Variants in IL4R observed in about 807,000 individuals in gnomAD.
The protein encoded by IL4R is interleukin 4 receptor.
IL4R carries 17 observed loss-of-function variants against 41.5 expected under a neutral mutation model. The observed-to-expected ratio is 0.41, with a 90% CI of 0.28 to 0.61. IL4R has a LOEUF of 0.61. Among genes scored for constraint, IL4R ranks in the 20% least tolerant of loss-of-function variants. IL4R has a pLI of 0.31. For missense variants in IL4R, 974 were observed against 1,043.1 expected (o/e 0.93, Z 0.91); for synonymous variants, 402 against 422.9 (o/e 0.95, Z 0.61).
chr16:27,332,350 GA>G (rs2085134589), intron 2 of IL4R, among the ~76,000 whole-genome samples: 1 of 152,026 alleles, frequency 6.6e-6, no homozygotes, highest in African/African-American at 2.4e-5. Context: ...GAAAGGGGGG[GA>G]AAGCCCTTTA....
intron 6 of IL4R, among the ~76,000 whole-genome samples, chr16:27,351,756 C>T (rs1014995825): frequency 1.3e-5 from 2 of 152,186 alleles, no homozygotes; most frequent in African/African-American, 2.4e-5. Context: ...CTCAAGTGAT[C>T]CACCCACTTC....
chr16:27,360,890 C>G, intron 10 of IL4R, 75 bp downstream of exon 10: 1 of 1,612,712 alleles, frequency 6.2e-7, no homozygotes, highest in South Asian at 1.1e-5. Context: ...GCCCCTAGCT[C>G]CATGTCTGCC....
In IL4R at chr16:27,363,515, C is replaced by T. The variant is rs747836187; in HGVS notation, c.2163C>T (p.Cys721=). 8.7e-6 allele frequency: 14 copies of T among 1,614,002 alleles called. No homozygotes were observed. In the East Asian group the frequency reaches 8.9e-5, roughly 10 times the overall value. The part of the protein sequence containing the change: ...IVYSALTCHL[C]GHLKQCHGQE... ...ACTCAGCCCTTACCTGCCACCTGTGCGGCCACCTGAAACAGTGTCATGGCC... is the reference window on the plus strand; with the variant it reads ...ACTCAGCCCTTACCTGCCACCTGTGTGGCCACCTGAAACAGTGTCATGGCC... Residue 721 remains cysteine (C), a synonymous_variant, in exon 11 of 11, where the codon TGC becomes TGT. Transcript: ENST00000395762.
Position 27,337,200 on chromosome 16 carries a change from G to C in IL4R, c.-18-2986G>C, listed in dbSNP as rs557838199. 4.1e-4 allele frequency among the ~76,000 whole-genome samples: 62 copies of C among 152,046 alleles called. No homozygotes were observed. In the South Asian group the frequency reaches 5.0e-3, roughly 12 times the overall value. ...TGGAGAGGGAGGTGGAGCCCTGCTG[G>C]GGGGAGGGCCTTCAAGTGTGCCCAA... On this transcript the variant is annotated intron_variant, in intron 2 of 10. Coordinates refer to ENST00000395762, the MANE Select transcript of IL4R (RefSeq NM_000418.4).
chr16:27,363,128 G>C lies in IL4R; in HGVS notation c.1776G>C (p.Val592=), dbSNP rs747309925. 1.9e-6 allele frequency: 3 copies of C among 1,613,944 alleles called. No homozygotes were observed. Among genetic ancestry groups the C allele is most frequent in the Non-Finnish European group, 2.5e-6 (3 of 1,179,964 alleles). The part of the protein sequence containing the change: ...VEQGGTQASA[V]VGLGPPGEAG... Reference sequence around the variant, plus strand: ...AGGGTGGCACCCAGGCCAGTGCGGTGGTGGGCTTGGGTCCCCCAGGAGAGG... The same window carrying C: ...AGGGTGGCACCCAGGCCAGTGCGGTCGTGGGCTTGGGTCCCCCAGGAGAGG... Residue 592 remains valine (V), a synonymous_variant, in exon 11 of 11, where the codon GTG becomes GTC. Coordinates refer to ENST00000395762, the MANE Select transcript of IL4R (RefSeq NM_000418.4).
intron 8 of IL4R, among the ~76,000 whole-genome samples, chr16:27,356,601 G>C (rs2086089390): frequency 6.6e-6 from 1 of 152,186 alleles, no homozygotes; most frequent in Admixed American, 6.6e-5. Context: ...TGGGGAGAAT[G>C]AGCTGGCCAG....
chr16:27,341,258 T>G (rs984900311), intron 3 of IL4R: 1 of 644,210 alleles, frequency 1.6e-6, no homozygotes, highest in Admixed American at 2.4e-5. Flanking sequence ...TGACCTAAAC[T>G]ACTGGGAAGG....
intron 2 of IL4R, among the ~76,000 whole-genome samples, chr16:27,330,445 T>C (rs2085082779): frequency 6.6e-6 from 1 of 151,740 alleles, no homozygotes; most frequent in Non-Finnish European, 1.5e-5. Context: ...CCTGCTTCTA[T>C]GCTGTTCCCC....
intron 8 of IL4R, among the ~76,000 whole-genome samples, chr16:27,357,134 C>G (rs768634166): frequency 6.6e-6 from 1 of 152,164 alleles, no homozygotes; most frequent in Non-Finnish European, 1.5e-5. Context: ...AATTCCCCTC[C>G]ATATCTTGTC....
intron 2 of IL4R, among the ~76,000 whole-genome samples, chr16:27,336,200 A>G (rs2085254183): frequency 6.6e-6 from 1 of 152,160 alleles, no homozygotes; most frequent in Non-Finnish European, 1.5e-5. Flanking sequence ...ATTAGCCTAC[A>G]GTTGGGCAAA....
At chr16:27,314,095 A>AG in intron 1 of IL4R, 75 bp downstream of exon 1, 2 of 984,308 alleles carry the variant, frequency 2.0e-6, no homozygotes, top group South Asian at 9.4e-5. Flanking sequence ...GCGTTCGGGA[A>AG]GGGCTCGGCC....
Position 27,342,219 on chromosome 16 carries a change from G to A in IL4R, c.169G>A (p.Glu57Lys), listed in dbSNP as rs200293983. The change falls in exon 4 of 11, where the codon GAG becomes AAG. Residue 57 changes from glutamate (E) to lysine (K), a missense_variant. Around this residue, in one of 3 missense-constraint regions of IL4R, gnomAD observed 284 missense variants for 313.4 expected, o/e 0.91. Transcript: ENST00000395762. ...GAATGGTCCCACCAATTGCAGCACC[G>A]AGCTCCGCCTGTTGTACCAGCTGGT... ...KMNGPTNCSTELRLLYQLVFL... is the reference protein window; with the variant it reads ...KMNGPTNCSTKLRLLYQLVFL... 24 of 1,614,094 alleles carry A rather than the reference G, an allele frequency of 1.5e-5. No individual in the cohort carries two copies. Among genetic ancestry groups the A allele is most frequent in the Admixed American group, 1.3e-4 (8 of 60,004 alleles).
In IL4R at chr16:27,352,627, G is replaced by A. The variant is rs987774304; in HGVS notation, c.601G>A (p.Val201Met). 5 of 1,614,204 alleles carry A rather than the reference G, an allele frequency of 3.1e-6. No homozygotes were observed. The highest frequency in any genetic ancestry group is 4.2e-6 in the Non-Finnish European group (5 of 1,180,032). ...LKSGISYRARVRAWAQCYNTT... is the reference protein window; with the variant it reads ...LKSGISYRARMRAWAQCYNTT... ...GTCTGGGATTTCCTACAGGGCACGG[G>A]TGAGGGCCTGGGCTCAGTGCTATAA... The change falls in exon 7 of 11, where the codon GTG (valine) becomes ATG (methionine). Residue 201 changes from valine (V) to methionine (M), a missense_variant. Coordinates refer to ENST00000395762, the MANE Select transcript of IL4R (RefSeq NM_000418.4).
intron 8 of IL4R, among the ~76,000 whole-genome samples, chr16:27,357,199 C>T (rs541159215): frequency 1.4e-3 from 219 of 152,302 alleles, no homozygotes; most frequent in African/African-American, 5.2e-3. Context: ...CCTCAGTTTC[C>T]CCATCACCTG....
chr16:27,320,537 C>G (rs1207433686), intron 1 of IL4R, among the ~76,000 whole-genome samples: 1 of 152,116 alleles, frequency 6.6e-6, no homozygotes, highest in African/African-American at 2.4e-5. Flanking sequence ...GACACGGCTC[C>G]TAAGTGGCAG....
Position 27,355,876 on chromosome 16 carries a change from G to A in IL4R, c.739G>A (p.Val247Ile), listed in dbSNP as rs192391987. 3.7e-5 allele frequency: 60 copies of A among 1,613,428 alleles called. No individual in the cohort carries two copies. Among genetic ancestry groups the A allele is most frequent in the African/African-American group, 5.3e-5 (4 of 75,024 alleles). ...VSVSCIVILA[V>I]CLLCYVSITK... Reference sequence around the variant, plus strand: ...CGTTTCCTGCATTGTCATCCTGGCCGTCTGCCTGTTGTGCTATGTCAGCAT... The same window carrying A: ...CGTTTCCTGCATTGTCATCCTGGCCATCTGCCTGTTGTGCTATGTCAGCAT... Residue 247 changes from valine to isoleucine, a missense_variant, in exon 8 of 11, where the codon GTC (valine) becomes ATC (isoleucine). By Grantham distance (29) the Val-to-Ile change is conservative. Around this residue, in one of 3 missense-constraint regions of IL4R, gnomAD observed 284 missense variants for 313.4 expected, o/e 0.91. Transcript: ENST00000395762.
chr16:27,316,711 T>C (rs2084660618), intron 1 of IL4R, among the ~76,000 whole-genome samples: 1 of 152,216 alleles, frequency 6.6e-6, no homozygotes, highest in Non-Finnish European at 1.5e-5. Flanking sequence ...CAGTATGGAC[T>C]TGAGCCAGAT....
intron 2 of IL4R, among the ~76,000 whole-genome samples, chr16:27,334,824 C>T (rs1287418782): frequency 6.6e-6 from 1 of 152,108 alleles, no homozygotes; most frequent in Non-Finnish European, 1.5e-5. Flanking sequence ...CTAGAGAGAG[C>T]TTTGCAGCCT....
At chr16:27,327,939 C>CGGT (rs1567308705) in intron 1 of IL4R, among the ~76,000 whole-genome samples, 13 of 151,954 alleles carry the variant, frequency 8.6e-5, no homozygotes. Context: ...AGGCCAGGTG[C>CGGT]GGTAGCTCAT....
Sources: allele counts gnomAD v4.1 joint callset (sites outside exome capture counted in the v4.1 genomes callset), GRCh38; gene constraint gnomAD v4.1.1; regional missense constraint gnomAD v4.1.1; transcripts MANE v1.5; gene names NCBI Gene and HGNC (gene_info 2026-07-23, HGNC 2026-07-21).